Variants in PCDH19 observed in about 807,000 individuals in gnomAD.
The protein encoded by PCDH19 is protocadherin-19.
A neutral mutation model predicts 46.2 loss-of-function variants in PCDH19; 6 were observed. That is an observed-to-expected ratio of 0.13 (90% CI 0.07 to 0.26). The LOEUF (loss-of-function observed/expected upper bound fraction) is 0.26. Among genes scored for constraint, PCDH19 ranks in the 10% least tolerant of loss-of-function variants. PCDH19 has a pLI of 1.00. For synonymous variants in PCDH19, 481 were observed against 415.7 expected (o/e 1.16, Z -1.91); for missense variants, 740 against 972.3 (o/e 0.76, Z 3.18).
chrX:100,388,860 T>C (rs1370524478), intron 3 of PCDH19, among the ~76,000 whole-genome samples: 1 of 111,617 alleles, frequency 9.0e-6, no homozygotes, highest in African/African-American at 3.2e-5. Context: ...ACTTTTGTTT[T>C]ACACATTCCT....
chrX:100,408,249 C>T lies in PCDH19; in HGVS notation c.349G>A (p.Val117Met). 8.3e-7 allele frequency: 1 copy of T among 1,211,873 alleles called. No homozygotes were observed. The highest frequency in any genetic ancestry group is 1.1e-6 in the Non-Finnish European group (1 of 895,446). The change falls in exon 1 of 6, where the codon GTG (valine) becomes ATG (methionine). Residue 117 changes from valine to methionine, a missense_variant. By Grantham distance (21) the Val-to-Met change is conservative. Transcript: ENST00000373034. ...TTGTCGTTCAGGTCCTTGATCTCCA[C>T]CTTTATCACGCAGATTTCCATTGAG... is the stretch of plus-strand genomic sequence containing the variant. ...SSSMEICVIKVEIKDLNDNAP... is the reference protein window; with the variant it reads ...SSSMEICVIKMEIKDLNDNAP...
intron 3 of PCDH19, among the ~76,000 whole-genome samples, chrX:100,395,078 G>C (rs1438764954): frequency 3.7e-5 from 4 of 109,334 alleles, no homozygotes; most frequent in African/African-American, 1.3e-4. Flanking sequence ...TAGTAGAGAC[G>C]GGGTTTCACC....
intron 3 of PCDH19, among the ~76,000 whole-genome samples, chrX:100,354,530 G>C (rs1180227445): frequency 2.7e-5 from 3 of 111,718 alleles, no homozygotes; most frequent in Admixed American, 1.9e-4. Flanking sequence ...CTTGAGCAAA[G>C]GACTGGCCAC....
chrX:100,307,779 C>T (rs1051035151), intron 5 of PCDH19, among the ~76,000 whole-genome samples: 49 of 111,061 alleles, frequency 4.4e-4, no homozygotes, highest in African/African-American at 1.6e-3. Flanking sequence ...TCAACAAGAA[C>T]TCAACCTCTT....
intron 3 of PCDH19, among the ~76,000 whole-genome samples, chrX:100,363,615 T>TTATATATATATATATATATA (rs60968315): frequency 2.2e-5 from 2 of 89,589 alleles, no homozygotes; most frequent in African/African-American, 8.4e-5. Flanking sequence ...ATGGGAAGTT[T>TTATATATATATATATATATA]TATATATATA....
chrX:100,350,956 C>G (rs1177063820), intron 3 of PCDH19, among the ~76,000 whole-genome samples: 1 of 112,520 alleles, frequency 8.9e-6, no homozygotes, highest in Non-Finnish European at 1.9e-5. Flanking sequence ...ACTGACCATG[C>G]AACCACTTAC....
chrX:100,388,215 T>C (rs1482339184), intron 3 of PCDH19, among the ~76,000 whole-genome samples: 1 of 110,250 alleles, frequency 9.1e-6, no homozygotes, highest in Admixed American at 9.7e-5. Context: ...AATATATATA[T>C]GTACACACAC....
intron 3 of PCDH19, among the ~76,000 whole-genome samples, chrX:100,391,031 A>C (rs765759450): frequency 1.8e-5 from 2 of 112,083 alleles, no homozygotes; most frequent in East Asian, 5.6e-4. Context: ...ACTGCATTAG[A>C]AGTTGCATAA....
chrX:100,332,251 G>A (rs1279953140), intron 5 of PCDH19, among the ~76,000 whole-genome samples: 2 of 112,233 alleles, frequency 1.8e-5, no homozygotes, highest in Non-Finnish European at 3.8e-5. Context: ...GCCAGGGGCG[G>A]TGGTTCATAC....
At chrX:100,393,128 G>T (rs971948879) in intron 3 of PCDH19, among the ~76,000 whole-genome samples, 12 of 111,211 alleles carry the variant, frequency 1.1e-4, no homozygotes, top group Non-Finnish European at 5.7e-5. Flanking sequence ...TGTATGCACA[G>T]CAATGATTAT....
chrX:100,392,364 C>T (rs367852469), intron 3 of PCDH19, among the ~76,000 whole-genome samples: 1 of 112,182 alleles, frequency 8.9e-6, no homozygotes, highest in South Asian at 3.7e-4. Flanking sequence ...AGTAAGTGCA[C>T]AAGCCACACA....
At chrX:100,338,211 G>A (rs994672592) in intron 5 of PCDH19, among the ~76,000 whole-genome samples, 4 of 108,232 alleles carry the variant, frequency 3.7e-5, no homozygotes, top group African/African-American at 1.3e-4. Flanking sequence ...GCGTAGTGGC[G>A]GGCGCCTGTA....
At chrX:100,347,272 C>G (rs1449552564) in intron 4 of PCDH19, among the ~76,000 whole-genome samples, 3 of 110,887 alleles carry the variant, frequency 2.7e-5, no homozygotes, top group Admixed American at 1.9e-4. Flanking sequence ...CAGGGGAGGA[C>G]AGTGATATCA....
At chrX:100,326,890 T>A (rs1032557364) in intron 5 of PCDH19, among the ~76,000 whole-genome samples, 2 of 111,359 alleles carry the variant, frequency 1.8e-5, no homozygotes, top group Non-Finnish European at 3.8e-5. Flanking sequence ...ATTTCTCCCC[T>A]CTGATTCTCC....
chrX:100,390,683 T>G (rs1437029610), intron 3 of PCDH19, among the ~76,000 whole-genome samples: 1 of 111,790 alleles, frequency 8.9e-6, no homozygotes, highest in Non-Finnish European at 1.9e-5. Context: ...CAAATCTAGT[T>G]TAAAAGAAAA....
At position 100,309,940 on chromosome X, in the gene PCDH19, G is replaced by A. The variant is rs771005752; in HGVS notation, c.2849-13065C>T. Among the ~76,000 whole-genome samples the A allele has an allele frequency of 2.5e-3, 281 of 112,582 alleles. 1 individual carries two copies. Among genetic ancestry groups the A allele is most frequent in the Middle Eastern group, 9.2e-3 (2 of 217 alleles). On this transcript the variant is annotated intron_variant, in intron 5 of 5. Coordinates refer to ENST00000373034, the MANE Select transcript of PCDH19 (RefSeq NM_001184880.2). ...TAGACCATTTCACTGATCAGCATTA[G>A]TTAGCAAATGTCACCCAATATTTGG...
chrX:100,330,959 T>C (rs1210347784), intron 5 of PCDH19, among the ~76,000 whole-genome samples: 1 of 112,338 alleles, frequency 8.9e-6, no homozygotes, highest in Non-Finnish European at 1.9e-5. Flanking sequence ...AAAAAGTATT[T>C]GTCATTAGGC....
In PCDH19 at chrX:100,341,941, G is replaced by A; in HGVS notation, c.2810C>T (p.Thr937Ile). ...CTGAGATCCCATGGAGGTCACACTG[G>A]TGTTCAGCACATCGTTGACAGCAGT... ...CDTAVNDVLNTSVTSMGSQMP... is the reference protein window; with the variant it reads ...CDTAVNDVLNISVTSMGSQMP... The change falls in exon 5 of 6, where the codon ACC becomes ATC. Residue 937 changes from threonine to isoleucine, a missense_variant. Coordinates refer to ENST00000373034, the MANE Select transcript of PCDH19 (RefSeq NM_001184880.2). The A allele has an allele frequency of 8.3e-7, 1 of 1,210,619 alleles. No individual in the cohort carries two copies. Among genetic ancestry groups the A allele is most frequent in the Non-Finnish European group, 1.1e-6 (1 of 894,417 alleles).
chrX:100,350,755 G>T, intron 3 of PCDH19, 51 bp from the exon 4 acceptor site: 2 of 802,462 alleles, frequency 2.5e-6, no homozygotes, highest in Non-Finnish European at 3.8e-6. Flanking sequence ...TTCATAAGTA[G>T]ATTTCGAACT....
Sources: gnomAD v4.1 joint callset for allele counts (sites outside exome capture counted in the v4.1 genomes callset) on GRCh38, gnomAD v4.1.1 for gene constraint, MANE v1.5 for transcripts, NCBI Gene and HGNC (gene_info 2026-07-23, HGNC 2026-07-21) for gene names.